Variants in FAM135B observed in about 807,000 individuals in gnomAD.
The protein encoded by FAM135B is protein FAM135B.
Under a neutral mutation model 127.7 loss-of-function variants are expected in FAM135B, and 43 were observed. That is an observed-to-expected ratio of 0.34 (90% CI 0.26 to 0.43). The LOEUF (loss-of-function observed/expected upper bound fraction) is 0.43. Ranked by LOEUF, FAM135B falls within the 20% of genes least tolerant of loss-of-function variation. The pLI, the probability that FAM135B is intolerant of heterozygous loss-of-function variation, is 1.00. For synonymous variants in FAM135B, 670 were observed against 665.1 expected (o/e 1.01, Z -0.11); for missense variants, 1,558 against 1,725.6 (o/e 0.90, Z 1.72).
intron 1 of FAM135B, among the ~76,000 whole-genome samples, chr8:138,491,244 A>T (rs572420005): frequency 3.3e-5 from 5 of 152,326 alleles, no homozygotes; most frequent in Non-Finnish European, 7.3e-5. Context: ...CAATTAAAAC[A>T]TAGGGCAAGA....
intron 1 of FAM135B, among the ~76,000 whole-genome samples, chr8:138,489,527 T>G (rs1485723608): frequency 6.6e-6 from 1 of 152,216 alleles, no homozygotes; most frequent in Non-Finnish European, 1.5e-5. Flanking sequence ...GCATTCTTTA[T>G]ATTGCAACCA....
At chr8:138,379,426 C>T (rs185167569) in intron 1 of FAM135B, among the ~76,000 whole-genome samples, 15 of 151,950 alleles carry the variant, frequency 9.9e-5, no homozygotes, top group African/African-American at 2.9e-4. Context: ...GTGTATAATG[C>T]TAATATTAGA....
At chr8:138,400,883 T>TA (rs1192869909) in intron 1 of FAM135B, among the ~76,000 whole-genome samples, 1 of 152,218 alleles carries the variant, frequency 6.6e-6, no homozygotes, top group Non-Finnish European at 1.5e-5. Flanking sequence ...ACTGCAAGAC[T>TA]ATATGCAATT....
At chr8:138,207,585 G>A (rs1393539059) in intron 7 of FAM135B, among the ~76,000 whole-genome samples, 1 of 152,062 alleles carries the variant, frequency 6.6e-6, no homozygotes, top group Non-Finnish European at 1.5e-5. Context: ...GGCTCCTGAG[G>A]GACAGTTCAT....
chr8:138,487,666 G>A (rs1815035023), intron 1 of FAM135B, among the ~76,000 whole-genome samples: 1 of 151,876 alleles, frequency 6.6e-6, no homozygotes, highest in Non-Finnish European at 1.5e-5. Context: ...GCTGGGCAGG[G>A]GTGGTACTTC....
chr8:138,384,011 G>A (rs1454533081), intron 1 of FAM135B, among the ~76,000 whole-genome samples: 1 of 152,108 alleles, frequency 6.6e-6, no homozygotes, highest in African/African-American at 2.4e-5. Context: ...CCCCTGTTTT[G>A]GAATGTCCAT....
intron 1 of FAM135B, among the ~76,000 whole-genome samples, chr8:138,372,685 C>T (rs187443818): frequency 2.4e-4 from 37 of 152,248 alleles, no homozygotes; most frequent in Admixed American, 2.1e-3. Flanking sequence ...ATGTAATAAC[C>T]TTTCAATACG....
chr8:138,373,874 C>T (rs1831302832), intron 1 of FAM135B, among the ~76,000 whole-genome samples: 1 of 152,134 alleles, frequency 6.6e-6, no homozygotes, highest in Non-Finnish European at 1.5e-5. Context: ...ACCGGTTGCT[C>T]TCAAACCCTG....
At chr8:138,396,186 C>T (rs1446036291) in intron 1 of FAM135B, among the ~76,000 whole-genome samples, 2 of 152,294 alleles carry the variant, frequency 1.3e-5, no homozygotes, top group East Asian at 1.9e-4. Flanking sequence ...GGGTACAGAA[C>T]CTCTGAGGGC....
At chr8:138,369,392 C>T (rs76672461) in intron 1 of FAM135B, among the ~76,000 whole-genome samples, 1 of 152,314 alleles carries the variant, frequency 6.6e-6, no homozygotes, top group African/African-American at 2.4e-5. Flanking sequence ...CTGCAGTTAA[C>T]AGGGTCAGGC....
rs148290994 is a variant in FAM135B at position 138,255,584 on chromosome 8, G to A, written c.368+1105C>T. ...AGGAGGTTCTCCACATATGTGGAAT[G>A]AGGGTTAAAGTGTCTGTGTCCTTTT... On this transcript the variant is annotated intron_variant, in intron 5 of 19. Coordinates refer to ENST00000395297, the MANE Select transcript of FAM135B (RefSeq NM_015912.4). Among the ~76,000 whole-genome samples the A allele has an allele frequency of 2.7e-4, 41 of 152,348 alleles. No individual in the cohort carries two copies. In the East Asian group the frequency reaches 7.5e-3, roughly 28 times the overall value.
intron 3 of FAM135B, among the ~76,000 whole-genome samples, chr8:138,289,667 G>T (rs1824955254): frequency 6.6e-6 from 1 of 152,120 alleles, no homozygotes; most frequent in Non-Finnish European, 1.5e-5. Flanking sequence ...ATCTGTGGTT[G>T]CATTTCTCTT....
intron 1 of FAM135B, among the ~76,000 whole-genome samples, chr8:138,369,700 T>G (rs1433859127): frequency 6.6e-6 from 1 of 152,112 alleles, no homozygotes; most frequent in Non-Finnish European, 1.5e-5. Flanking sequence ...CGAGGCTCAA[T>G]TTTAATCCCA....
intron 3 of FAM135B, among the ~76,000 whole-genome samples, chr8:138,276,641 G>A (rs547251384): frequency 1.3e-5 from 2 of 152,248 alleles, no homozygotes; most frequent in South Asian, 2.1e-4. Flanking sequence ...CAACCCAAGC[G>A]CTGAATGAGC....
rs975258232 is a variant in FAM135B, at chr8:138,464,675, A to G, written c.-20+31996T>C. Among the ~76,000 whole-genome samples, 3 of 152,360 alleles carry G rather than the reference A, an allele frequency of 2.0e-5. 1 individual carries two copies. The Middle Eastern group carries it at 0.01, about 518-fold the overall frequency. Reference sequence around the variant, plus strand: ...TGGAAGGATTTCAGGATATTCTTCCATCATCCCAACAGAGATCCTTGCGGC... The same window carrying G: ...TGGAAGGATTTCAGGATATTCTTCCGTCATCCCAACAGAGATCCTTGCGGC... On this transcript the variant is annotated intron_variant, in intron 1 of 19. Transcript: ENST00000395297.
intron 1 of FAM135B, among the ~76,000 whole-genome samples, chr8:138,434,177 T>C (rs1198107891): frequency 1.3e-5 from 2 of 152,224 alleles, no homozygotes; most frequent in Non-Finnish European, 2.9e-5. Flanking sequence ...GCATGAATCA[T>C]AATCACCACT....
At chr8:138,294,918 C>T (rs183723554) in intron 3 of FAM135B, among the ~76,000 whole-genome samples, 96 of 152,152 alleles carry the variant, frequency 6.3e-4, no homozygotes, top group Middle Eastern at 6.8e-3. Context: ...TTCCTTTGGC[C>T]CTGAAACTCT....
At chr8:138,305,833 T>C (rs1160929556) in intron 3 of FAM135B, among the ~76,000 whole-genome samples, 3 of 152,262 alleles carry the variant, frequency 2.0e-5, no homozygotes, top group African/African-American at 7.2e-5. Context: ...CAATTATACA[T>C]ACACACATAT....
chr8:138,300,028 C>T (rs2130838263), intron 3 of FAM135B, among the ~76,000 whole-genome samples: 1 of 152,086 alleles, frequency 6.6e-6, no homozygotes, highest in Middle Eastern at 3.4e-3. Flanking sequence ...AGTGCGGTGG[C>T]AAGATCTCGG....
Sources: gnomAD v4.1 joint callset for allele counts (sites outside exome capture counted in the v4.1 genomes callset) on GRCh38, gnomAD v4.1.1 for gene constraint, MANE v1.5 for transcripts, NCBI Gene and HGNC (gene_info 2026-07-23, HGNC 2026-07-21) for gene names.